The following ELOVL6 variants were observed in gnomAD, a reference collection of about 807,000 sequenced individuals.
ELOVL6 encodes very long chain fatty acid elongase 6.
Under a neutral mutation model 31.7 loss-of-function variants are expected in ELOVL6, and 8 were observed. The observed-to-expected ratio is 0.25, with a 90% CI of 0.15 to 0.45. The LOEUF (loss-of-function observed/expected upper bound fraction) is 0.45, where lower values mean the gene tolerates loss of function less well. Among genes scored for constraint, ELOVL6 ranks in the 20% least tolerant of loss-of-function variants. The pLI is 1.00. For synonymous variants in ELOVL6, 101 were observed against 117.7 expected, an observed-to-expected ratio of 0.86 and a Z score of 0.92; for missense variants, 126 against 326.4, an observed-to-expected ratio of 0.39 and a Z score of 4.73.
At chr4:110,145,660 A>G (rs957043435) in intron 1 of ELOVL6, among the ~76,000 whole-genome samples, 6 of 151,800 alleles carry the variant, frequency 4.0e-5, no homozygotes, top group African/African-American at 1.2e-4. Context: ...TGTAAAGTGG[A>G]GATAATACCT....
At chr4:110,085,489 T>G (rs1756234232) in intron 2 of ELOVL6, among the ~76,000 whole-genome samples, 1 of 152,198 alleles carries the variant, frequency 6.6e-6, no homozygotes, top group African/African-American at 2.4e-5. Flanking sequence ...AATCACAGTG[T>G]GATACCTGTC....
chr4:110,186,310 T>C (rs1759438473), intron 1 of ELOVL6, among the ~76,000 whole-genome samples: 1 of 152,074 alleles, frequency 6.6e-6, no homozygotes, highest in Non-Finnish European at 1.5e-5. Context: ...TCTATAACCT[T>C]CTCTACAGTC....
chr4:110,106,396 G>A (rs1051630405), intron 1 of ELOVL6, among the ~76,000 whole-genome samples: 14 of 152,130 alleles, frequency 9.2e-5, no homozygotes, highest in African/African-American at 2.4e-4. Context: ...TACTTTTATG[G>A]GTTTTTTAAT....
intron 1 of ELOVL6, among the ~76,000 whole-genome samples, chr4:110,172,194 C>G (rs1758969174): frequency 1.3e-5 from 2 of 152,082 alleles, no homozygotes; most frequent in Admixed American, 6.6e-5. Flanking sequence ...GGATCTGTCC[C>G]TATCTCCAAG....
intron 1 of ELOVL6, among the ~76,000 whole-genome samples, chr4:110,190,071 T>C (rs1759569024): frequency 6.6e-6 from 1 of 151,790 alleles, no homozygotes; most frequent in African/African-American, 2.4e-5. Context: ...ATATCACAAC[T>C]AGGAACTCTT....
chr4:110,117,904 A>AAAAAAAAAAAAAAAAT (rs1757224623), intron 1 of ELOVL6: 1 of 7,414 alleles, frequency 1.3e-4, no homozygotes, highest in African/African-American at 3.7e-4. Context: ...AAAAAAAAAA[A>AAAAAAAAAAAAAAAAT]TATATATATA....
At chr4:110,185,057 G>C (rs1052073999) in intron 1 of ELOVL6, among the ~76,000 whole-genome samples, 1 of 152,146 alleles carries the variant, frequency 6.6e-6, no homozygotes, top group African/African-American at 2.4e-5. Context: ...AAGGATCATG[G>C]ACATGGAGCA....
At position 110,051,692 on chromosome 4, in the gene ELOVL6, C is replaced by A; in HGVS notation, c.444G>T (p.Val148=). The change falls in exon 4 of 4, where the codon GTG becomes GTT. Residue 148 remains valine (V), a synonymous_variant. Transcript: ENST00000302274. This position sits in a 1 kb window ranked among gnomAD's most constrained non-coding sequence, Gnocchi z 4.8. ...TGTAGGAGTACCAAGAGTACAGGAG[C>A]ACAGTGATGTGGTGATACCAGTGCA... The part of the protein sequence containing the change: ...IFLHWYHHIT[V]LLYSWYSYKD... 6.2e-7 allele frequency: 1 copy of A among 1,614,150 alleles called. No homozygotes were observed. The highest frequency in any genetic ancestry group is 1.6e-4 in the Middle Eastern group (1 of 6,062).
intron 1 of ELOVL6, among the ~76,000 whole-genome samples, chr4:110,123,657 A>G (rs1757414375): frequency 6.6e-6 from 1 of 152,134 alleles, no homozygotes; most frequent in Admixed American, 6.6e-5. Context: ...CAAGACTGGA[A>G]GGAAGTATGG....
intron 2 of ELOVL6, among the ~76,000 whole-genome samples, chr4:110,080,743 G>T (rs376298719): frequency 2.0e-5 from 3 of 152,140 alleles, no homozygotes; most frequent in Non-Finnish European, 4.4e-5. Flanking sequence ...TCTGGCCAGG[G>T]TAATCAGGCA....
chr4:110,110,561 T>C (rs988040063), intron 1 of ELOVL6, among the ~76,000 whole-genome samples: 3 of 151,862 alleles, frequency 2.0e-5, no homozygotes, highest in African/African-American at 4.8e-5. Flanking sequence ...GTGCGCCTGA[T>C]TCTTTTAATT....
At chr4:110,084,168 T>TG (rs1560814338) in intron 2 of ELOVL6, among the ~76,000 whole-genome samples, 3 of 39,832 alleles carry the variant, frequency 7.5e-5, no homozygotes, top group East Asian at 8.3e-4. Flanking sequence ...ATATATGTGA[T>TG]ATATATGATA....
intron 3 of ELOVL6, among the ~76,000 whole-genome samples, chr4:110,053,435 C>T (rs1323268907): frequency 6.6e-6 from 1 of 152,214 alleles, no homozygotes; most frequent in Admixed American, 6.5e-5. Context: ...TGCCCCATTC[C>T]ATGCATTAGG....
At chr4:110,133,716 T>C (rs931186851) in intron 1 of ELOVL6, among the ~76,000 whole-genome samples, 1 of 152,148 alleles carries the variant, frequency 6.6e-6, no homozygotes, top group Non-Finnish European at 1.5e-5. Context: ...TCTCTGGGTG[T>C]CCAAAGAAGA....
chr4:110,191,561 A>T (rs1327054566), intron 1 of ELOVL6, among the ~76,000 whole-genome samples: 1 of 152,236 alleles, frequency 6.6e-6, no homozygotes, highest in African/African-American at 2.4e-5. Flanking sequence ...GTTAATCATT[A>T]AGACAATGTT....
rs779775193 is a variant in ELOVL6, at chr4:110,117,881, C to CAAAAAAAAAA, written c.90-12263_90-12254dup. The CAAAAAAAAAA allele has an allele frequency of 9.7e-4, 2 of 2,064 alleles. 1 individual carries two copies. Among genetic ancestry groups the CAAAAAAAAAA allele is most frequent in the Non-Finnish European group, 1.8e-3 (2 of 1,106 alleles). The allele number at this position is 2,064 out of a possible 1,614,324, so 0.1% of individuals were successfully genotyped here. ...TGGGCAACAGAGTGAGACTCTGTCT[C>CAAAAAAAAAA]AAAAAAAAAAAAAAAAAAAAAAATA... is the stretch of plus-strand genomic sequence containing the variant. On this transcript the variant is annotated intron_variant, in intron 1 of 3. Coordinates refer to ENST00000302274, the MANE Select transcript of ELOVL6 (RefSeq NM_024090.3).
intron 1 of ELOVL6, among the ~76,000 whole-genome samples, chr4:110,174,058 A>T (rs1759029532): frequency 1.3e-5 from 2 of 152,110 alleles, no homozygotes; most frequent in African/African-American, 4.8e-5. Context: ...CATGACTTTC[A>T]ATGTAAATTT....
chr4:110,058,495 T>C (rs1578443911), intron 3 of ELOVL6, among the ~76,000 whole-genome samples: 1 of 152,170 alleles, frequency 6.6e-6, no homozygotes, highest in African/African-American at 2.4e-5. Flanking sequence ...CAGTGGAAGG[T>C]GGCTGGGTTG....
At chr4:110,084,344 G>GATATATGATATATATCGT (rs1553956096) in intron 2 of ELOVL6, among the ~76,000 whole-genome samples, 1 of 88,420 alleles carries the variant, frequency 1.1e-5, no homozygotes, top group East Asian at 2.9e-4. Context: ...TCACATATAT[G>GATATATGATATATATCGT]ATATATGATA....
Sources: gnomAD v4.1 joint callset for allele counts (sites outside exome capture counted in the v4.1 genomes callset) on GRCh38, gnomAD v4.1.1 for gene constraint, Gnocchi (gnomAD v3.1) non-coding constraint, MANE v1.5 for transcripts, NCBI Gene and HGNC (gene_info 2026-07-23, HGNC 2026-07-21) for gene names.